DOCK8: variants seen among roughly 807,000 people sequenced by gnomAD.
DOCK8 encodes dedicator of cytokinesis 8, also known as dedicator of cytokinesis protein 8.
DOCK8 carries 141 observed loss-of-function variants against 245.6 expected under a neutral mutation model. That is an observed-to-expected ratio of 0.57 (90% CI 0.50 to 0.66). DOCK8 has a LOEUF of 0.66. Ranked by LOEUF, DOCK8 falls within the 30% of genes least tolerant of loss-of-function variation. DOCK8 has a pLI of 0.00. For synonymous variants in DOCK8, 1,168 were observed against 970.2 expected, an observed-to-expected ratio of 1.20 and a Z score of -3.79; for missense variants, 2,965 against 2,603.4, an observed-to-expected ratio of 1.14 and a Z score of -3.02.
intron 20 of DOCK8, among the ~76,000 whole-genome samples, chr9:377,493 T>A (rs2053568009): frequency 6.6e-6 from 1 of 152,230 alleles, no homozygotes; most frequent in African/African-American, 2.4e-5. Context: ...TGGTAATTGA[T>A]GAATTTATTT....
In DOCK8 at chr9:327,782, T is replaced by C. The variant is rs3818558; in HGVS notation, c.895-240T>C. ...GTAACTGATACTCAGGAAATACCGG[T>C]GGGTTAATAAACATTTAAATGTTTC... is the stretch of plus-strand genomic sequence containing the variant. On this transcript the variant is annotated intron_variant, in intron 8 of 47. Coordinates refer to ENST00000432829, the MANE Select transcript of DOCK8 (RefSeq NM_203447.4). Among the ~76,000 whole-genome samples, 56,367 of 152,058 alleles carry C rather than the reference T, an allele frequency of 0.37. 11,342 individuals are homozygous for C. The highest frequency in any genetic ancestry group is 0.7 in the East Asian group (3,638 of 5,168).
At chr9:261,156 G>T (rs761559024) in intron 1 of DOCK8, among the ~76,000 whole-genome samples, 2 of 151,870 alleles carry the variant, frequency 1.3e-5, no homozygotes, top group African/African-American at 2.4e-5. Context: ...TGGCAGACAG[G>T]AGTAGGAGGG....
intron 23 of DOCK8, among the ~76,000 whole-genome samples, chr9:389,281 G>A (rs558961045): frequency 1.6e-4 from 24 of 152,336 alleles, no homozygotes; most frequent in African/African-American, 4.8e-4. Context: ...AGCCAGATAT[G>A]CTGTAGAATG....
rs1389605952 is a variant in DOCK8 at position 377,143 on chromosome 9, T to C, written c.2372T>C (p.Phe791Ser). The change falls in exon 20 of 48, where the codon TTC (phenylalanine) becomes TCC (serine). Residue 791 changes from phenylalanine to serine, a missense_variant. Coordinates refer to ENST00000432829, the MANE Select transcript of DOCK8 (RefSeq NM_203447.4). Reference protein sequence around the residue: ...NSSRLEPLVLFLHLVLDKLFQ... With the variant: ...NSSRLEPLVLSLHLVLDKLFQ... ...TCCCGCCTGGAGCCGCTCGTGCTCT[T>C]CCTGCACCTGGTGCTGGACAAGCTC... is the stretch of plus-strand genomic sequence containing the variant. 2.5e-6 allele frequency: 4 copies of C among 1,607,624 alleles called. No homozygotes were observed. The highest frequency in any genetic ancestry group is 3.4e-6 in the Non-Finnish European group (4 of 1,179,772).
chr9:226,974 A>T (rs2047003275), intron 1 of DOCK8, among the ~76,000 whole-genome samples: 1 of 152,188 alleles, frequency 6.6e-6, no homozygotes, highest in Admixed American at 6.5e-5. Context: ...AAATAAATAT[A>T]TGCATAACTC....
At chr9:425,177 T>C (rs966445052) in intron 33 of DOCK8, among the ~76,000 whole-genome samples, 1 of 152,184 alleles carries the variant, frequency 6.6e-6, no homozygotes, top group Non-Finnish European at 1.5e-5. Context: ...GTGGCCCCCA[T>C]TGTTTCTACT....
intron 25 of DOCK8, 131 bp from the exon 26 acceptor site, chr9:399,015 C>A: frequency 1.3e-6 from 1 of 777,364 alleles, no homozygotes; most frequent in Non-Finnish European, 2.2e-6. Context: ...TCAACTACTT[C>A]GCCCAGTGCC....
intron 1 of DOCK8, among the ~76,000 whole-genome samples, chr9:232,682 A>G (rs978663805): frequency 3.0e-4 from 45 of 152,144 alleles, no homozygotes; most frequent in East Asian, 9.6e-4. Context: ...GTTTATTTGC[A>G]AAGAGGTGTT....
chr9:272,530 C>G (rs948206555), intron 2 of DOCK8, among the ~76,000 whole-genome samples: 5 of 152,066 alleles, frequency 3.3e-5, no homozygotes, highest in Admixed American at 1.3e-4. Context: ...GGACTACAGG[C>G]GCATGCCACC....
intron 26 of DOCK8, among the ~76,000 whole-genome samples, chr9:399,680 T>A (rs183312235): frequency 0.016 from 2,431 of 152,166 alleles, 63 homozygotes; most frequent in African/African-American, 0.053. Context: ...AAGAACCTTT[T>A]TAAAGTGTTC....
intron 1 of DOCK8, among the ~76,000 whole-genome samples, chr9:223,724 A>G (rs895557446): frequency 4.4e-4 from 67 of 152,106 alleles, no homozygotes; most frequent in African/African-American, 1.5e-3. Context: ...GTCTCCACTT[A>G]ACAGAATTAA....
chr9:286,728 A>T, intron 3 of DOCK8, 92 bp downstream of exon 3: 1 of 1,173,220 alleles, frequency 8.5e-7, no homozygotes, highest in Non-Finnish European at 1.3e-6. Context: ...CTGAACTTAA[A>T]AATAAAATAA....
At chr9:256,410 C>A (rs62531334) in intron 1 of DOCK8, among the ~76,000 whole-genome samples, 1 of 152,136 alleles carries the variant, frequency 6.6e-6, no homozygotes, top group African/African-American at 2.4e-5. Flanking sequence ...GTACCCAATT[C>A]GTTTCTGCTT....
intron 22 of DOCK8, among the ~76,000 whole-genome samples, chr9:384,983 C>T (rs1489198552): frequency 6.6e-6 from 1 of 152,130 alleles, no homozygotes; most frequent in East Asian, 1.9e-4. Flanking sequence ...TGCTGATGAT[C>T]TGTAGTTTGA....
At chr9:300,429 C>T (rs1232714496) in intron 4 of DOCK8, among the ~76,000 whole-genome samples, 4 of 151,700 alleles carry the variant, frequency 2.6e-5, no homozygotes, top group South Asian at 2.1e-4. Context: ...GGTGTGTGAC[C>T]TGGAGGTACT....
At chr9:249,066 G>A (rs1242456728) in intron 1 of DOCK8, among the ~76,000 whole-genome samples, 1 of 152,108 alleles carries the variant, frequency 6.6e-6, no homozygotes, top group Non-Finnish European at 1.5e-5. Context: ...TTCCGCTCTT[G>A]GTACCTGTTG....
intron 15 of DOCK8, 113 bp downstream of exon 15, chr9:368,248 C>G (rs1172029479): frequency 1.1e-6 from 1 of 914,138 alleles, no homozygotes; most frequent in East Asian, 2.4e-5. Flanking sequence ...CAGGCCAATA[C>G]TGCTCAGCAT....
chr9:244,512 A>C (rs954741856), intron 1 of DOCK8, among the ~76,000 whole-genome samples: 1 of 152,134 alleles, frequency 6.6e-6, no homozygotes, highest in African/African-American at 2.4e-5. Context: ...TGTAAGTCCT[A>C]AATCATGTGA....
At chr9:306,940 C>G (rs1320744842) in intron 5 of DOCK8, among the ~76,000 whole-genome samples, 1 of 152,120 alleles carries the variant, frequency 6.6e-6, no homozygotes, top group African/African-American at 2.4e-5. Flanking sequence ...CCTCATGAAG[C>G]CTGGACTCAC....
Sources: allele counts gnomAD v4.1 joint callset (sites outside exome capture counted in the v4.1 genomes callset), GRCh38; gene constraint gnomAD v4.1.1; transcripts MANE v1.5; gene names NCBI Gene and HGNC (gene_info 2026-07-23, HGNC 2026-07-21).